RCAN2: variants seen among roughly 807,000 people sequenced by gnomAD.
RCAN2 encodes the protein calcipressin-2.
RCAN2 carries 9 observed loss-of-function variants against 23.6 expected under a neutral mutation model. That is an observed-to-expected ratio of 0.38 (90% CI 0.23 to 0.67). RCAN2 has a LOEUF of 0.67. Among genes scored for constraint, RCAN2 ranks in the 30% least tolerant of loss-of-function variants. RCAN2 has a pLI of 0.51. For missense variants in RCAN2, 273 were observed against 302.3 expected, an observed-to-expected ratio of 0.90 and a Z score of 0.72; for synonymous variants, 109 against 115.7, an observed-to-expected ratio of 0.94 and a Z score of 0.37.
At chr6:46,277,544 A>G (rs1767756434) in intron 2 of RCAN2, among the ~76,000 whole-genome samples, 1 of 152,164 alleles carries the variant, frequency 6.6e-6, no homozygotes, top group South Asian at 2.1e-4. Context: ...GAAGTAGACA[A>G]TAAATTTTGT....
chr6:46,399,711 AT>A (rs1766195801), intron 2 of RCAN2, among the ~76,000 whole-genome samples: 1 of 151,050 alleles, frequency 6.6e-6, no homozygotes, highest in Admixed American at 6.6e-5. Context: ...CTCTGCCTTC[AT>A]TTTTTTCACA....
At chr6:46,337,081 CAT>C (rs1304411107) in intron 2 of RCAN2, among the ~76,000 whole-genome samples, 3 of 151,336 alleles carry the variant, frequency 2.0e-5, no homozygotes, top group Non-Finnish European at 2.9e-5. Flanking sequence ...TTGTGACATA[CAT>C]ACATGACAAT....
At chr6:46,351,124 T>C (rs1764634226) in intron 2 of RCAN2, among the ~76,000 whole-genome samples, 1 of 152,242 alleles carries the variant, frequency 6.6e-6, no homozygotes, top group African/African-American at 2.4e-5. Context: ...TTGGATAAAA[T>C]GCAGAGGTCA....
At chr6:46,262,779 T>G (rs1278445328) in intron 2 of RCAN2, among the ~76,000 whole-genome samples, 1 of 152,086 alleles carries the variant, frequency 6.6e-6, no homozygotes, top group Non-Finnish European at 1.5e-5. Context: ...TTGCCTATAT[T>G]CCAGCCAAAC....
chr6:46,354,205 CTGTGTGTGTGTGTGTGTGTG>C (rs56237510), intron 2 of RCAN2, among the ~76,000 whole-genome samples: 15 of 132,984 alleles, frequency 1.1e-4, no homozygotes, highest in East Asian at 2.2e-4. Flanking sequence ...TGTTATTTTA[CTGTGTGTGTGTGTGTGTGTG>C]TGTGTGTGTG....
chr6:46,243,500 G>T (rs554692674), intron 4 of RCAN2, among the ~76,000 whole-genome samples: 6 of 152,096 alleles, frequency 3.9e-5, no homozygotes, highest in Non-Finnish European at 5.9e-5. Flanking sequence ...TGGAAGTTTA[G>T]ATTGGTGTTT....
At chr6:46,417,558 G>A (rs1423667828) in intron 2 of RCAN2, among the ~76,000 whole-genome samples, 2 of 152,146 alleles carry the variant, frequency 1.3e-5, no homozygotes, top group Non-Finnish European at 2.9e-5. Context: ...GAACTGCAGG[G>A]AAAGAATCCC....
chr6:46,243,809 C>CGA (rs1766403160), intron 4 of RCAN2, among the ~76,000 whole-genome samples: 1 of 55,030 alleles, frequency 1.8e-5, no homozygotes, highest in African/African-American at 8.2e-5. Flanking sequence ...GATTCTGTCT[C>CGA]AAAAAAAAAA....
chr6:46,316,391 T>C (rs1305355644), intron 2 of RCAN2, among the ~76,000 whole-genome samples: 1 of 152,208 alleles, frequency 6.6e-6, no homozygotes, highest in African/African-American at 2.4e-5. Flanking sequence ...TAAGGATCCT[T>C]GCTCAAGGTC....
At chr6:46,417,758 G>A (rs940536277) in intron 2 of RCAN2, among the ~76,000 whole-genome samples, 1 of 152,140 alleles carries the variant, frequency 6.6e-6, no homozygotes, top group Admixed American at 6.6e-5. Flanking sequence ...CTAAAACGCT[G>A]TCTTAAGTAT....
intron 2 of RCAN2, among the ~76,000 whole-genome samples, chr6:46,251,941 C>T (rs527509376): frequency 3.4e-4 from 52 of 152,212 alleles, no homozygotes; most frequent in African/African-American, 1.1e-3. Flanking sequence ...AGAGCTCAGG[C>T]ACCAGGTTTT....
intron 2 of RCAN2, among the ~76,000 whole-genome samples, chr6:46,444,835 A>G (rs1767654302): frequency 6.6e-6 from 1 of 152,142 alleles, no homozygotes; most frequent in Non-Finnish European, 1.5e-5. Flanking sequence ...ATACCAGGAC[A>G]GCACCTGTGG....
intron 2 of RCAN2, among the ~76,000 whole-genome samples, chr6:46,411,013 CACTT>C: frequency 6.6e-6 from 1 of 152,288 alleles, no homozygotes; most frequent in South Asian, 2.1e-4. Context: ...CCTTAACAAA[CACTT>C]AGCCTTCAAA....
chr6:46,399,851 C>G (rs559624371), intron 2 of RCAN2, among the ~76,000 whole-genome samples: 1 of 152,070 alleles, frequency 6.6e-6, no homozygotes, highest in Non-Finnish European at 1.5e-5. Flanking sequence ...ATTATATTTG[C>G]AAAGACCCTT....
At chr6:46,279,430 G>C (rs1021545058) in intron 2 of RCAN2, among the ~76,000 whole-genome samples, 1 of 152,144 alleles carries the variant, frequency 6.6e-6, no homozygotes, top group Non-Finnish European at 1.5e-5. Context: ...ACAGTGAACT[G>C]TCCTGTGCAT....
At chr6:46,377,135 G>A (rs1173263031) in intron 2 of RCAN2, among the ~76,000 whole-genome samples, 3 of 152,150 alleles carry the variant, frequency 2.0e-5, no homozygotes, top group East Asian at 1.9e-4. Context: ...TGGTTATGCC[G>A]GGGTGGTGGA....
chr6:46,481,001 G>A (rs755693842), intron 1 of RCAN2, among the ~76,000 whole-genome samples: 5 of 152,192 alleles, frequency 3.3e-5, no homozygotes, highest in African/African-American at 7.2e-5. Flanking sequence ...CTTCAAGTTC[G>A]TGTTTCCGAA....
chr6:46,353,771 C>G (rs886445311), intron 2 of RCAN2, among the ~76,000 whole-genome samples: 1 of 152,176 alleles, frequency 6.6e-6, no homozygotes, highest in Non-Finnish European at 1.5e-5. Flanking sequence ...GAAGGAAACA[C>G]TGATTTATTT....
chr6:46,264,095 G>C (rs1767236341), intron 2 of RCAN2, among the ~76,000 whole-genome samples: 1 of 152,160 alleles, frequency 6.6e-6, no homozygotes. Context: ...GAAAGAAGTA[G>C]AAAATGTACT....
Sources: allele counts gnomAD v4.1 joint callset (sites outside exome capture counted in the v4.1 genomes callset), GRCh38; gene constraint gnomAD v4.1.1; transcripts MANE v1.5; gene names NCBI Gene and HGNC (gene_info 2026-07-23, HGNC 2026-07-21).